The following HP1BP3 variants were observed in gnomAD, a reference collection of about 807,000 sequenced individuals.
HP1BP3 encodes the protein heterochromatin protein 1-binding protein 3.
HP1BP3 carries 12 observed loss-of-function variants against 62.5 expected under a neutral mutation model. The observed-to-expected ratio is 0.19, with a 90% CI of 0.12 to 0.31. HP1BP3 has a LOEUF of 0.31. Among genes scored for constraint, HP1BP3 ranks in the 10% least tolerant of loss-of-function variants. The pLI, the probability that HP1BP3 is intolerant of heterozygous loss-of-function variation, is 1.00. For synonymous variants in HP1BP3, 260 were observed against 237.8 expected (o/e 1.09, Z -0.86); for missense variants, 502 against 651.8 (o/e 0.77, Z 2.50).
rs1280613540 is a variant in HP1BP3, at chr1:20,741,318, A to G, written c.*3479T>C. Among the ~76,000 whole-genome samples, 1 of 152,222 alleles carries G rather than the reference A, an allele frequency of 6.6e-6. No homozygotes were observed. Among genetic ancestry groups the G allele is most frequent in the Non-Finnish European group, 1.5e-5 (1 of 68,046 alleles). The stretch of plus-strand genomic sequence containing the variant: ...GATGGCAAGAGGGTCACAGCCTGAG[A>G]GAGAATAATTTCACAGGCTCTTTAA... On this transcript the variant is annotated 3_prime_UTR_variant, in exon 13 of 13. Transcript: ENST00000438032.
chr1:20,762,034 A>G (rs943230706), intron 8 of HP1BP3, among the ~76,000 whole-genome samples: 3 of 152,212 alleles, frequency 2.0e-5, no homozygotes, highest in African/African-American at 7.2e-5. Flanking sequence ...GTGGAAGGGG[A>G]GACATTGTAG....
At chr1:20,781,868 T>C (rs2057565852) in intron 1 of HP1BP3, among the ~76,000 whole-genome samples, 2 of 152,196 alleles carry the variant, frequency 1.3e-5, no homozygotes, top group Non-Finnish European at 2.9e-5. Flanking sequence ...TCAGATGATC[T>C]GCCCGCCTCA....
chr1:20,748,726 C>T (rs577271), intron 10 of HP1BP3, among the ~76,000 whole-genome samples: 2,204 of 151,850 alleles, frequency 0.015, 46 homozygotes, highest in African/African-American at 0.049. Flanking sequence ...CGCACCACTG[C>T]GCCCCCCAGC....
At chr1:20,781,177 C>T (rs970851004) in intron 1 of HP1BP3, among the ~76,000 whole-genome samples, 3 of 152,034 alleles carry the variant, frequency 2.0e-5, no homozygotes, top group Non-Finnish European at 4.4e-5. Context: ...AAAACCCATG[C>T]AGTCACCCAA....
chr1:20,758,492 G>A (rs946196094), intron 8 of HP1BP3, among the ~76,000 whole-genome samples: 12 of 152,146 alleles, frequency 7.9e-5, no homozygotes, highest in Admixed American at 3.9e-4. Flanking sequence ...GACTACAGGC[G>A]CGTGCCACCA....
chr1:20,777,900 A>G (rs2057374561), intron 3 of HP1BP3, among the ~76,000 whole-genome samples: 1 of 152,234 alleles, frequency 6.6e-6, no homozygotes, highest in East Asian at 1.9e-4. Context: ...TTAGGATGAC[A>G]AAGTATTATG....
In HP1BP3 at chr1:20,744,932, G is replaced by A. The variant is rs377155829; in HGVS notation, c.1527C>T (p.Thr509=). 1 of 1,614,160 alleles carries A rather than the reference G, an allele frequency of 6.2e-7. No individual in the cohort carries two copies. Among genetic ancestry groups the A allele is most frequent in the South Asian group, 1.1e-5 (1 of 91,080 alleles). Residue 509 remains threonine (T), a synonymous_variant, in exon 13 of 13, where the codon ACC becomes ACT. Coordinates refer to ENST00000438032, the MANE Select transcript of HP1BP3 (RefSeq NM_001372052.1). ...PPKAKTPAKK[T]RPSSTVIKKP... ...TCTTGATGACTGTGGATGAGGGTCT[G>A]GTCTTCTTGGCAGGCGTTTTGGCCT...
chr1:20,745,579 T>C lies in HP1BP3; in HGVS notation c.1331A>G (p.Glu444Gly), dbSNP rs1224982256. 1 of 1,613,814 alleles carries C rather than the reference T, an allele frequency of 6.2e-7. No homozygotes were observed. The highest frequency in any genetic ancestry group is 8.5e-7 in the Non-Finnish European group (1 of 1,179,788). ...EDEDEDESSEEDSEDEEPPPK... is the reference protein window; with the variant it reads ...EDEDEDESSEGDSEDEEPPPK... ...TGGCGGCTCTTCATCCTCAGAGTCT[T>C]CTTCTGATGACTCATCTTCATCTTC... The change falls in exon 12 of 13, where the codon GAA (glutamate) becomes GGA (glycine). Residue 444 changes from glutamate to glycine, a missense_variant. By Grantham distance (98) the Glu-to-Gly change is moderately conservative (BLOSUM62 -2). This residue lies in a region of HP1BP3 where 194 missense variants were observed against 207.0 expected (regional missense o/e 0.94). Transcript: ENST00000438032.
chr1:20,765,964 CA>C (rs34214380), intron 7 of HP1BP3, among the ~76,000 whole-genome samples: 75 of 69,628 alleles, frequency 1.1e-3, no homozygotes, highest in South Asian at 2.0e-3. Context: ...GACTCCGTCT[CA>C]AAAAAAAAAA....
rs1178811959 is a variant in HP1BP3 at position 20,744,339 on chromosome 1, A to T, written c.*458T>A. 1.3e-5 allele frequency: 2 copies of T among 153,882 alleles called. No individual in the cohort carries two copies. Among genetic ancestry groups the T allele is most frequent in the African/African-American group, 4.8e-5 (2 of 41,466 alleles). 9.5% of individuals were successfully genotyped at this position (153,882 alleles called of 1,614,324 possible). ...GATTAATTATTACAGCTATAACTGAAGTCTCCAGGCAGGAGGCTTTACAAC... is the reference window on the plus strand; with the variant it reads ...GATTAATTATTACAGCTATAACTGATGTCTCCAGGCAGGAGGCTTTACAAC... On this transcript the variant is annotated 3_prime_UTR_variant, in exon 13 of 13. Coordinates refer to ENST00000438032, the MANE Select transcript of HP1BP3 (RefSeq NM_001372052.1).
At chr1:20,754,730 GAC>G (rs2154539950) in intron 9 of HP1BP3, among the ~76,000 whole-genome samples, 1 of 152,182 alleles carries the variant, frequency 6.6e-6, no homozygotes, top group East Asian at 1.9e-4. Flanking sequence ...ATAGGGAAGG[GAC>G]AGTCTTTTCA....
At chr1:20,768,750 G>A (rs1037814274) in intron 6 of HP1BP3, among the ~76,000 whole-genome samples, 4 of 152,126 alleles carry the variant, frequency 2.6e-5, no homozygotes, top group Non-Finnish European at 5.9e-5. Flanking sequence ...TAAGGCAGGA[G>A]AATTGCTTGA....
At chr1:20,751,231 G>A (rs775006189) in intron 9 of HP1BP3, among the ~76,000 whole-genome samples, 1 of 151,552 alleles carries the variant, frequency 6.6e-6, no homozygotes, top group Non-Finnish European at 1.5e-5. Context: ...TTAACTGTTT[G>A]TAAGGCTTCC....
chr1:20,776,534 T>C, intron 4 of HP1BP3, 63 bp downstream of exon 4: 2 of 1,407,880 alleles, frequency 1.4e-6, no homozygotes, highest in Non-Finnish European at 2.0e-6. Flanking sequence ...TTTAAAACAA[T>C]CTAATCTAAA....
At chr1:20,785,356 C>G (rs1342729349) in intron 1 of HP1BP3, among the ~76,000 whole-genome samples, 1 of 152,154 alleles carries the variant, frequency 6.6e-6, no homozygotes, top group South Asian at 2.1e-4. Context: ...TACTGATATC[C>G]TTGATAATAT....
chr1:20,755,124 C>T (rs746422067), intron 9 of HP1BP3, among the ~76,000 whole-genome samples: 1 of 152,170 alleles, frequency 6.6e-6, no homozygotes, highest in South Asian at 2.1e-4. Flanking sequence ...CATTTCACTA[C>T]AGACAATAAA....
At chr1:20,760,977 G>A (rs565747986) in intron 8 of HP1BP3, among the ~76,000 whole-genome samples, 1 of 152,328 alleles carries the variant, frequency 6.6e-6, no homozygotes, top group African/African-American at 2.4e-5. Flanking sequence ...ACAGGTGAGA[G>A]ATGATGGTGG....
At chr1:20,754,750 G>A (rs2055997122) in intron 9 of HP1BP3, among the ~76,000 whole-genome samples, 1 of 152,070 alleles carries the variant, frequency 6.6e-6, no homozygotes, top group Admixed American at 6.6e-5. Context: ...TCAATAAAAG[G>A]TGCTGGAATA....
At chr1:20,780,041 C>A (rs1207301302) in intron 2 of HP1BP3, 130 bp from the exon 3 acceptor site, 20 of 661,100 alleles carry the variant, frequency 3.0e-5, no homozygotes, top group Non-Finnish European at 4.8e-5. Context: ...ATGCAAATTA[C>A]TTTTAACAAG....
Sources: allele counts gnomAD v4.1 joint callset (sites outside exome capture counted in the v4.1 genomes callset), GRCh38; gene constraint gnomAD v4.1.1; regional missense constraint gnomAD v4.1.1; transcripts MANE v1.5; gene names NCBI Gene and HGNC (gene_info 2026-07-23, HGNC 2026-07-21).